LCP1: variants seen among roughly 807,000 people sequenced by gnomAD.
LCP1 encodes plastin-2.
Under a neutral mutation model 72.0 loss-of-function variants are expected in LCP1, and 23 were observed. That is an observed-to-expected ratio of 0.32 (90% confidence interval 0.23 to 0.45). The LOEUF is 0.45. Ranked by LOEUF, LCP1 falls within the 20% of genes least tolerant of loss-of-function variation. The pLI, the probability that LCP1 is intolerant of heterozygous loss-of-function variation, is 1.00. For synonymous variants in LCP1, 245 were observed against 275.4 expected, an observed-to-expected ratio of 0.89 and a Z score of 1.09; for missense variants, 571 against 748.3, an observed-to-expected ratio of 0.76 and a Z score of 2.76.
chr13:46,170,254 T>G (rs995582683), intron 1 of LCP1, among the ~76,000 whole-genome samples: 13 of 152,248 alleles, frequency 8.5e-5, no homozygotes, highest in African/African-American at 3.1e-4. Context: ...TAAACCACTT[T>G]GCTGGAAAGA....
At chr13:46,143,264 G>A in intron 12 of LCP1, 26 bp downstream of exon 12, 1 of 1,533,340 alleles carries the variant, frequency 6.5e-7, no homozygotes, top group Non-Finnish European at 9.0e-7. Flanking sequence ...CCTGTCTCCT[G>A]GAACAACAGA....
At chr13:46,140,528 C>G (rs1462532881) in intron 13 of LCP1, among the ~76,000 whole-genome samples, 1 of 152,102 alleles carries the variant, frequency 6.6e-6, no homozygotes, top group Admixed American at 6.5e-5. Flanking sequence ...TTAAGTCTAT[C>G]CCAGGATTAA....
At chr13:46,157,062 T>C (rs914137767) in intron 4 of LCP1, among the ~76,000 whole-genome samples, 5 of 151,922 alleles carry the variant, frequency 3.3e-5, no homozygotes, top group Non-Finnish European at 7.4e-5. Context: ...CCTCGTGATC[T>C]GCCCACCTCA....
At position 46,132,609 on chromosome 13, in the gene LCP1, T is replaced by C. The variant is rs561145266; in HGVS notation, c.1626+1518A>G. ...CTAGAGCTCCTTTCAACTTTGCTTTTCTTTACTGCCTTTCCAAATCTCTTT... is the reference window on the plus strand; with the variant it reads ...CTAGAGCTCCTTTCAACTTTGCTTTCCTTTACTGCCTTTCCAAATCTCTTT... On this transcript the variant is annotated intron_variant, in intron 14 of 15. Transcript: ENST00000323076. Among the ~76,000 whole-genome samples the C allele has an allele frequency of 7.2e-5, 11 of 152,324 alleles. No homozygotes were observed. The East Asian group carries it at 1.9e-3, about 27-fold the overall frequency.
intron 1 of LCP1, among the ~76,000 whole-genome samples, chr13:46,165,742 A>G (rs1170877203): frequency 1.3e-5 from 2 of 152,200 alleles, no homozygotes; most frequent in African/African-American, 4.8e-5. Context: ...TCCGTGGTCA[A>G]TCTGGGAAAT....
chr13:46,142,800 T>G (rs1186607264), intron 12 of LCP1: 1 of 466,116 alleles, frequency 2.1e-6, no homozygotes, highest in South Asian at 1.6e-5. Flanking sequence ...TCTGCACACA[T>G]AGCAAATGGA....
chr13:46,153,449 C>A (rs2045781456), intron 6 of LCP1, among the ~76,000 whole-genome samples: 1 of 151,940 alleles, frequency 6.6e-6, no homozygotes, highest in Non-Finnish European at 1.5e-5. Flanking sequence ...GCCCATAATC[C>A]CGGCACTTTG....
chr13:46,170,965 T>A (rs1593964231), intron 1 of LCP1, among the ~76,000 whole-genome samples: 1 of 152,160 alleles, frequency 6.6e-6, no homozygotes, highest in African/African-American at 2.4e-5. Context: ...CAGTAGGAGA[T>A]TGCTTAAAGA....
chr13:46,159,266 C>T (rs918408962), intron 2 of LCP1: 66 of 517,778 alleles, frequency 1.3e-4, no homozygotes, highest in Non-Finnish European at 9.6e-5. Context: ...AAGGAAACCA[C>T]AGGTTTAGTG....
chr13:46,158,793 A>G (rs1452447606), intron 3 of LCP1, 33 bp downstream of exon 3: 1 of 1,607,888 alleles, frequency 6.2e-7, no homozygotes, highest in African/African-American at 1.3e-5. Flanking sequence ...CCAAGTTTCA[A>G]ATGTGTCTCC....
intron 1 of LCP1, among the ~76,000 whole-genome samples, chr13:46,163,593 C>A (rs1399841884): frequency 6.7e-6 from 1 of 149,928 alleles, no homozygotes; most frequent in Non-Finnish European, 1.5e-5. Flanking sequence ...TGTGACCCTG[C>A]CAAATCCCCC....
chr13:46,133,137 C>CA (rs370772398), intron 14 of LCP1, among the ~76,000 whole-genome samples: 8 of 152,106 alleles, frequency 5.3e-5, no homozygotes, highest in African/African-American at 1.7e-4. Context: ...TGCTTTTTTA[C>CA]AAAAAACATC....
chr13:46,162,282 C>T (rs1157985194), intron 1 of LCP1, among the ~76,000 whole-genome samples: 3 of 129,652 alleles, frequency 2.3e-5, no homozygotes, highest in African/African-American at 8.9e-5. Flanking sequence ...CCTCCCCCTC[C>T]CTCTCCCGTC....
At position 46,152,856 on chromosome 13, in the gene LCP1, A is replaced by C; in HGVS notation, c.663T>G (p.Pro221=). The change falls in exon 7 of 16, where the codon CCT becomes CCG. Residue 221 remains proline (P), a synonymous_variant. Coordinates refer to ENST00000323076, the MANE Select transcript of LCP1 (RefSeq NM_002298.5). ...GCCACAGAAGTCCCAGGACCAGATA[A>C]GGCTTCCCCTCCTTCAGGTCCTCAG... The part of the protein sequence containing the change: ...IGAEDLKEGK[P]YLVLGLLWQV... 1 of 1,614,152 alleles carries C rather than the reference A, an allele frequency of 6.2e-7. No individual in the cohort carries two copies. The highest frequency in any genetic ancestry group is 1.7e-5 in the Admixed American group (1 of 60,022).
chr13:46,179,229 AGG>A (rs2138291991), intron 1 of LCP1, among the ~76,000 whole-genome samples: 1 of 152,356 alleles, frequency 6.6e-6, no homozygotes, highest in African/African-American at 2.4e-5. Context: ...AAATGAGACT[AGG>A]GCTTCGGTAA....
intron 1 of LCP1, among the ~76,000 whole-genome samples, chr13:46,162,958 G>A (rs866700767): frequency 2.0e-5 from 3 of 151,286 alleles, no homozygotes; most frequent in Non-Finnish European, 2.9e-5. Flanking sequence ...CAGCCACCCC[G>A]TCTGGGAAGT....
chr13:46,173,907 A>G (rs1433454241), intron 1 of LCP1, among the ~76,000 whole-genome samples: 1 of 152,158 alleles, frequency 6.6e-6, no homozygotes, highest in Non-Finnish European at 1.5e-5. Flanking sequence ...GCCCAACCAC[A>G]TACACTATGA....
At chr13:46,131,141 A>T (rs2045631900) in intron 14 of LCP1, among the ~76,000 whole-genome samples, 1 of 152,206 alleles carries the variant, frequency 6.6e-6, no homozygotes, top group African/African-American at 2.4e-5. Context: ...CCCACCGTCT[A>T]CCAACAGCAG....
At chr13:46,132,711 C>T (rs571621845) in intron 14 of LCP1, among the ~76,000 whole-genome samples, 3 of 152,222 alleles carry the variant, frequency 2.0e-5, no homozygotes, top group South Asian at 4.2e-4. Context: ...GCATCCACTC[C>T]TAACTCTGCT....
Sources: allele counts gnomAD v4.1 joint callset (sites outside exome capture counted in the v4.1 genomes callset), GRCh38; gene constraint gnomAD v4.1.1; transcripts MANE v1.5; gene names NCBI Gene and HGNC (gene_info 2026-07-23, HGNC 2026-07-21).